The following HESX1 variants were observed in gnomAD, a reference collection of about 807,000 sequenced individuals.
HESX1 encodes the protein homeobox expressed in ES cells 1.
Under a neutral mutation model 22.5 loss-of-function variants are expected in HESX1, and 11 were observed. That is an observed-to-expected ratio of 0.49 (90% CI 0.31 to 0.81). The LOEUF is 0.81. Among genes scored for constraint, HESX1 ranks in the 30% least tolerant of loss-of-function variants. The probability of loss-of-function intolerance (pLI) is 0.05; values close to 1 mark genes in which losing one functional copy is unlikely to be tolerated. For synonymous variants in HESX1, 74 were observed against 76.5 expected, an observed-to-expected ratio of 0.97 and a Z score of 0.17; for missense variants, 201 against 212.6, an observed-to-expected ratio of 0.95 and a Z score of 0.34.
At chr3:57,211,263 C>A in intron 1 of HESX1, among the ~76,000 whole-genome samples, 1 of 151,490 alleles carries the variant, frequency 6.6e-6, no homozygotes, top group Admixed American at 6.6e-5. Flanking sequence ...TGCCATAGCT[C>A]ATGCCTATAA....
chr3:57,217,949 C>T (rs2060592135), intron 1 of HESX1, among the ~76,000 whole-genome samples: 1 of 152,160 alleles, frequency 6.6e-6, no homozygotes, highest in Non-Finnish European at 1.5e-5. Context: ...GGATGTCCTC[C>T]TCACACAGCT....
At chr3:57,204,657 G>A (rs1465547999), upstream of HESX1, among the ~76,000 whole-genome samples, 1 of 152,146 alleles carries the variant, frequency 6.6e-6, no homozygotes, top group Non-Finnish European at 1.5e-5. Context: ...CCAGTGGCTG[G>A]GCACAGTGGC....
chr3:57,219,468 C>G (rs569589034), intron 1 of HESX1, among the ~76,000 whole-genome samples: 1 of 151,834 alleles, frequency 6.6e-6, no homozygotes, highest in Non-Finnish European at 1.5e-5. Flanking sequence ...CCCAGATTCA[C>G]GCCATTCTCC....
intron 1 of HESX1, among the ~76,000 whole-genome samples, chr3:57,224,976 A>G (rs1182291170): frequency 6.6e-6 from 1 of 152,226 alleles, no homozygotes; most frequent in African/African-American, 2.4e-5. Flanking sequence ...CCAGTTGCCC[A>G]AAGTTTTTAC....
chr3:57,201,875 A>ATCTATATCTATC (rs796249286), upstream of HESX1, among the ~76,000 whole-genome samples: 26 of 131,926 alleles, frequency 2.0e-4, no homozygotes, highest in Admixed American at 4.8e-4. Flanking sequence ...CTATCTATCT[A>ATCTATATCTATC]TATCTATCTA....
At chr3:57,219,674 C>T (rs748222894) in intron 1 of HESX1, among the ~76,000 whole-genome samples, 1 of 152,102 alleles carries the variant, frequency 6.6e-6, no homozygotes, top group Non-Finnish European at 1.5e-5. Flanking sequence ...GCCTCCTTTG[C>T]CCACTTTTTA....
At chr3:57,213,358 C>G (rs1579361152) in intron 1 of HESX1, among the ~76,000 whole-genome samples, 1 of 152,308 alleles carries the variant, frequency 6.6e-6, no homozygotes, top group East Asian at 1.9e-4. Context: ...AGTGAACACT[C>G]TCATCCAGTC....
intron 1 of HESX1, among the ~76,000 whole-genome samples, chr3:57,210,504 T>A (rs750423879): frequency 6.6e-6 from 1 of 152,160 alleles, no homozygotes; most frequent in Non-Finnish European, 1.5e-5. Context: ...ACCTTGCCCC[T>A]TCCTTACTTT....
chr3:57,201,264 G>T (rs1168596284), upstream of HESX1, among the ~76,000 whole-genome samples: 1 of 152,098 alleles, frequency 6.6e-6, no homozygotes, highest in Non-Finnish European at 1.5e-5. Context: ...AACATCAACA[G>T]GCATATGGAT....
intron 1 of HESX1, among the ~76,000 whole-genome samples, chr3:57,206,011 T>C (rs1372327833): frequency 6.6e-6 from 1 of 152,068 alleles, no homozygotes; most frequent in Non-Finnish European, 1.5e-5. Flanking sequence ...GCCAACATGG[T>C]GAAACAGTGT....
chr3:57,205,827 G>A (rs2060516807), intron 1 of HESX1, among the ~76,000 whole-genome samples: 1 of 152,064 alleles, frequency 6.6e-6, no homozygotes, highest in Non-Finnish European at 1.5e-5. Context: ...CAAAATATAG[G>A]TTTATTATGT....
intron 1 of HESX1, among the ~76,000 whole-genome samples, chr3:57,216,931 C>G (rs1459039883): frequency 6.6e-6 from 1 of 152,124 alleles, no homozygotes; most frequent in Admixed American, 6.6e-5. Context: ...TATGGACTCA[C>G]AGTTTCCTAC....
chr3:57,208,688 C>T (rs990477066), intron 1 of HESX1, among the ~76,000 whole-genome samples: 5 of 147,010 alleles, frequency 3.4e-5, no homozygotes, highest in African/African-American at 7.4e-5. Context: ...AGGCCAGGCA[C>T]GGTGGCTCAC....
chr3:57,203,492 T>C (rs1453924143), upstream of HESX1, among the ~76,000 whole-genome samples: 1 of 152,134 alleles, frequency 6.6e-6, no homozygotes, highest in Non-Finnish European at 1.5e-5. Context: ...TCCTACCTCC[T>C]GATTTTGGGC....
intron 2 of HESX1, 57 bp downstream of exon 2, chr3:57,198,696 A>C: frequency 2.6e-6 from 4 of 1,511,460 alleles, no homozygotes; most frequent in Non-Finnish European, 3.7e-6. Flanking sequence ...GCTTTTGCTC[A>C]ACTTGGTGTC....
At chr3:57,210,071 T>A (rs1011009980) in intron 1 of HESX1, among the ~76,000 whole-genome samples, 25 of 152,174 alleles carry the variant, frequency 1.6e-4, no homozygotes, top group Admixed American at 2.0e-4. Context: ...TCACCAATGA[T>A]CTCATGGTAT....
At chr3:57,198,699 T>G in intron 2 of HESX1, 54 bp downstream of exon 2, 1 of 1,519,878 alleles carries the variant, frequency 6.6e-7, no homozygotes, top group Non-Finnish European at 9.1e-7. Context: ...TTTGCTCAAC[T>G]TGGTGTCAAT....
intron 1 of HESX1, among the ~76,000 whole-genome samples, chr3:57,220,326 A>G (rs1185345536): frequency 6.6e-6 from 1 of 152,244 alleles, no homozygotes; most frequent in Admixed American, 6.5e-5. Flanking sequence ...TTTATAGTGA[A>G]TGTGATTTAG....
intron 1 of HESX1, among the ~76,000 whole-genome samples, chr3:57,208,910 A>G (rs1239994460): frequency 6.6e-6 from 1 of 151,846 alleles, no homozygotes; most frequent in Non-Finnish European, 1.5e-5. Flanking sequence ...CAGTGAGCTG[A>G]TATCATGCCA....
Sources: gnomAD v4.1 joint callset for allele counts (sites outside exome capture counted in the v4.1 genomes callset) on GRCh38, gnomAD v4.1.1 for gene constraint, MANE v1.5 for transcripts, NCBI Gene and HGNC (gene_info 2026-07-23, HGNC 2026-07-21) for gene names.